The following NRXN1 variants were observed in gnomAD, a reference collection of about 807,000 sequenced individuals.
The protein encoded by NRXN1 is neurexin-1.
NRXN1 carries 39 observed loss-of-function variants against 150.9 expected under a neutral mutation model. The observed-to-expected ratio is 0.26, with a 90% CI of 0.20 to 0.34. The LOEUF (loss-of-function observed/expected upper bound fraction) is 0.34. Ranked by LOEUF, NRXN1 falls within the 10% of genes least tolerant of loss-of-function variation. The pLI is 1.00. For missense variants in NRXN1, 1,815 were observed against 1,949.9 expected (o/e 0.93, Z 1.30); for synonymous variants, 924 against 757.0 (o/e 1.22, Z -3.62).
intron 8 of NRXN1, among the ~76,000 whole-genome samples, chr2:50,611,565 A>G (rs1020075894): frequency 1.3e-5 from 2 of 152,240 alleles, no homozygotes; most frequent in East Asian, 1.9e-4. Context: ...TTCTGCCCCA[A>G]TTGTTTATTT....
chr2:50,326,169 G>A (rs894379492), intron 17 of NRXN1, among the ~76,000 whole-genome samples: 3 of 151,798 alleles, frequency 2.0e-5, no homozygotes, highest in Non-Finnish European at 4.4e-5. Context: ...TTTTACGTTT[G>A]TAGTCCAATA....
intron 5 of NRXN1, among the ~76,000 whole-genome samples, chr2:50,711,203 A>T (rs1405759056): frequency 6.6e-6 from 1 of 152,064 alleles, no homozygotes; most frequent in East Asian, 1.9e-4. Flanking sequence ...AAGTTTAAGC[A>T]TTGGATGGAA....
intron 21 of NRXN1, among the ~76,000 whole-genome samples, chr2:50,046,087 C>T (rs1027862600): frequency 5.9e-5 from 9 of 152,266 alleles, no homozygotes; most frequent in South Asian, 4.1e-4. Flanking sequence ...AACTGGGGAA[C>T]AGACACAAGA....
intron 15 of NRXN1, among the ~76,000 whole-genome samples, chr2:50,494,022 T>G (rs2091417360): frequency 6.6e-6 from 1 of 152,214 alleles, no homozygotes; most frequent in Non-Finnish European, 1.5e-5. Flanking sequence ...TACTTAGGTG[T>G]GTAAGTACCC....
chr2:50,276,601 T>C (rs2070506112), intron 17 of NRXN1, among the ~76,000 whole-genome samples: 1 of 152,164 alleles, frequency 6.6e-6, no homozygotes, highest in Non-Finnish European at 1.5e-5. Flanking sequence ...CTCAGCTACA[T>C]GATAGTAACT....
intron 17 of NRXN1, among the ~76,000 whole-genome samples, chr2:50,316,002 C>T (rs1038331834): frequency 2.6e-5 from 4 of 151,950 alleles, no homozygotes; most frequent in African/African-American, 4.8e-5. Context: ...AAGCAGTAAA[C>T]GGCATGAGAT....
chr2:50,592,711 T>G (rs1158641889), intron 8 of NRXN1, among the ~76,000 whole-genome samples: 1 of 152,196 alleles, frequency 6.6e-6, no homozygotes, highest in Non-Finnish European at 1.5e-5. Context: ...GCAGTGAGCT[T>G]GACTGTTTTG....
chr2:49,977,569 G>C (rs1407513026), intron 21 of NRXN1, among the ~76,000 whole-genome samples: 1 of 152,194 alleles, frequency 6.6e-6, no homozygotes, highest in Non-Finnish European at 1.5e-5. Context: ...ATGGAGAAGA[G>C]AAGGGGACCA....
At chr2:50,484,408 A>C (rs1198797632) in intron 15 of NRXN1, among the ~76,000 whole-genome samples, 4 of 152,154 alleles carry the variant, frequency 2.6e-5, no homozygotes, top group African/African-American at 9.7e-5. Flanking sequence ...AACATAAGCT[A>C]TTCTTAAGGA....
At chr2:50,025,130 G>A (rs1311258064) in intron 21 of NRXN1, among the ~76,000 whole-genome samples, 1 of 152,138 alleles carries the variant, frequency 6.6e-6, no homozygotes, top group African/African-American at 2.4e-5. Flanking sequence ...GCAAATTGGG[G>A]GTCGGCAGTG....
In NRXN1 at chr2:50,531,377, C is replaced by T. The variant is rs778031536; in HGVS notation, c.2197G>A (p.Val733Ile). The T allele has an allele frequency of 1.6e-5, 26 of 1,612,680 alleles. No homozygotes were observed. The highest frequency in any genetic ancestry group is 3.3e-4 in the Middle Eastern group (2 of 6,080). The change falls in exon 11 of 23, where the codon GTA becomes ATA. Residue 733 changes from valine to isoleucine, a missense_variant. This residue lies in a region of NRXN1 where 638 missense variants were observed against 652.6 expected (regional missense o/e 0.98). Transcript: ENST00000401669. ...GSMFMKIQLP[V>I]VMHTEAEDVS... Reference sequence around the variant, plus strand: ...TCCTCAGCCTCCGTATGCATGACTACGGGGAGCTGAATTTTCATAAACATG... The same window carrying T: ...TCCTCAGCCTCCGTATGCATGACTATGGGGAGCTGAATTTTCATAAACATG...
chr2:50,594,875 C>A (rs554917843), intron 8 of NRXN1, among the ~76,000 whole-genome samples: 1 of 152,010 alleles, frequency 6.6e-6, no homozygotes, highest in Admixed American at 6.6e-5. Context: ...CTGCTCAGGG[C>A]TAATCACTCC....
At chr2:50,555,019 T>G (rs1406793312) in intron 8 of NRXN1, among the ~76,000 whole-genome samples, 4 of 152,322 alleles carry the variant, frequency 2.6e-5, no homozygotes, top group Non-Finnish European at 5.9e-5. Flanking sequence ...ATTGCCTTTC[T>G]TTGGAGATCT....
In NRXN1 at chr2:50,497,322, C is replaced by T; in HGVS notation, c.2879+11G>A. 6.6e-7 allele frequency: 1 copy of T among 1,512,400 alleles called. No individual in the cohort carries two copies. The highest frequency in any genetic ancestry group is 8.8e-7 in the Non-Finnish European group (1 of 1,134,230). 93.7% of individuals were successfully genotyped at this position (1,512,400 alleles called of 1,614,324 possible). Reference sequence around the variant, plus strand: ...TTTTATTTATTTGCTATTGAACAGGCATGTACTCACCCTTTAACTAATTCA... The same window carrying T: ...TTTTATTTATTTGCTATTGAACAGGTATGTACTCACCCTTTAACTAATTCA... On this transcript the variant is annotated intron_variant, in intron 14 of 22. Coordinates refer to ENST00000401669, the MANE Select transcript of NRXN1 (RefSeq NM_001330078.2).
chr2:50,097,795 A>T (rs1700443339), intron 18 of NRXN1, among the ~76,000 whole-genome samples: 1 of 152,118 alleles, frequency 6.6e-6, no homozygotes, highest in African/African-American at 2.4e-5. Context: ...GCATGCCACC[A>T]CGCCCAGCTA....
chr2:50,772,939 T>C (rs1223599043), intron 5 of NRXN1, among the ~76,000 whole-genome samples: 1 of 152,096 alleles, frequency 6.6e-6, no homozygotes, highest in East Asian at 1.9e-4. Context: ...AGGAGCCTCG[T>C]CCATCATATT....
intron 19 of NRXN1, among the ~76,000 whole-genome samples, chr2:50,086,799 G>T (rs539473125): frequency 6.7e-6 from 1 of 149,278 alleles, no homozygotes; most frequent in East Asian, 1.9e-4. Flanking sequence ...AAAAGAGAGA[G>T]AGGGGGAGAG....
chr2:50,530,786 A>T (rs1267603858), intron 11 of NRXN1, among the ~76,000 whole-genome samples: 1 of 152,222 alleles, frequency 6.6e-6, no homozygotes, highest in African/African-American at 2.4e-5. Flanking sequence ...GTAGAGTAAG[A>T]ACAGCTCTTG....
chr2:50,981,457 CAAAAAA>C (rs70958635), intron 2 of NRXN1, among the ~76,000 whole-genome samples: 4 of 23,270 alleles, frequency 1.7e-4, no homozygotes, highest in Admixed American at 7.0e-4. Context: ...AACTCTATCT[CAAAAAA>C]AAAAAAAAAA....
Sources: gnomAD v4.1 joint callset for allele counts (sites outside exome capture counted in the v4.1 genomes callset) on GRCh38, gnomAD v4.1.1 for gene constraint, gnomAD v4.1.1 regional missense constraint, MANE v1.5 for transcripts, NCBI Gene and HGNC (gene_info 2026-07-23, HGNC 2026-07-21) for gene names.